Variants in ZNF407 observed in about 807,000 individuals in gnomAD.
The protein encoded by ZNF407 is zinc finger protein 407.
Under a neutral mutation model 131.2 loss-of-function variants are expected in ZNF407, and 17 were observed. The observed-to-expected ratio is 0.13, with a 90% CI of 0.09 to 0.19. ZNF407 has a LOEUF of 0.19. ZNF407 is among the 10% of genes least tolerant of loss of function. The pLI, the probability that ZNF407 is intolerant of heterozygous loss-of-function variation, is 1.00. For missense variants in ZNF407, 2,681 were observed against 2,830.6 expected (o/e 0.95, Z 1.20); for synonymous variants, 1,156 against 1,062.0 (o/e 1.09, Z -1.72).
intron 1 of ZNF407, among the ~76,000 whole-genome samples, chr18:74,602,887 C>A (rs1264857580): frequency 6.6e-6 from 1 of 152,088 alleles, no homozygotes; most frequent in Non-Finnish European, 1.5e-5. Context: ...GAAACACATC[C>A]TGCACTGTGT....
chr18:74,766,490 A>G (rs1326169928), intron 3 of ZNF407, among the ~76,000 whole-genome samples: 1 of 152,200 alleles, frequency 6.6e-6, no homozygotes, highest in African/African-American at 2.4e-5. Flanking sequence ...ATGGTTTCAC[A>G]TCTGCCCTGC....
chr18:74,789,444 G>A (rs1207622431), intron 4 of ZNF407, among the ~76,000 whole-genome samples: 3 of 152,154 alleles, frequency 2.0e-5, no homozygotes, highest in African/African-American at 7.2e-5. Context: ...ACCAGTGAGC[G>A]TATTTCATTG....
At chr18:74,887,705 T>C (rs931750483) in intron 6 of ZNF407, among the ~76,000 whole-genome samples, 1 of 152,174 alleles carries the variant, frequency 6.6e-6, no homozygotes, top group Non-Finnish European at 1.5e-5. Flanking sequence ...CCACTGGCTA[T>C]TGAGAACTCT....
chr18:74,913,447 C>T (rs1021013044), intron 7 of ZNF407, among the ~76,000 whole-genome samples: 3 of 152,240 alleles, frequency 2.0e-5, no homozygotes, highest in African/African-American at 4.8e-5. Context: ...GTGTTCGATA[C>T]GGCGAGGCCC....
intron 3 of ZNF407, among the ~76,000 whole-genome samples, chr18:74,698,779 CAGAGG>C (rs1967421387): frequency 6.6e-6 from 1 of 152,106 alleles, no homozygotes; most frequent in African/African-American, 2.4e-5. Flanking sequence ...CTTGAGGTCA[CAGAGG>C]TAGCACCTGA....
rs74911814 is a variant in ZNF407 at position 74,944,319 on chromosome 18, T to C, written c.5428+23627T>C. 3.2e-3 allele frequency among the ~76,000 whole-genome samples: 480 copies of C among 152,328 alleles called. 3 individuals carry two copies. The highest frequency in any genetic ancestry group is 5.0e-3 in the Admixed American group (76 of 15,304). ...TATAGTTCATCACTGACTGTTCTAT[T>C]ACCTGACAGCAATTGATAAAGTATC... On this transcript the variant is annotated intron_variant, in intron 8 of 8. Transcript: ENST00000299687.
chr18:74,830,659 A>G (rs1970469871), intron 4 of ZNF407, among the ~76,000 whole-genome samples: 1 of 152,148 alleles, frequency 6.6e-6, no homozygotes, highest in African/African-American at 2.4e-5. Context: ...TGGCGTATGT[A>G]TGGTGTAATG....
At chr18:74,788,642 T>A (rs1046234713) in intron 4 of ZNF407, among the ~76,000 whole-genome samples, 1 of 150,730 alleles carries the variant, frequency 6.6e-6, no homozygotes, top group African/African-American at 2.4e-5. Flanking sequence ...CCACCACAGT[T>A]TACTACTTTA....
intron 7 of ZNF407, among the ~76,000 whole-genome samples, chr18:74,917,117 T>C (rs1971783102): frequency 6.6e-6 from 1 of 152,050 alleles, no homozygotes; most frequent in East Asian, 1.9e-4. Flanking sequence ...AAGTAACCCA[T>C]TGAAATTGCA....
intron 4 of ZNF407, among the ~76,000 whole-genome samples, chr18:74,836,008 G>GAA (rs572896349): frequency 8.5e-5 from 11 of 129,804 alleles, no homozygotes; most frequent in South Asian, 2.5e-4. Flanking sequence ...GACCCTTATG[G>GAA]AAAAAAAAAA....
At chr18:75,022,023 GA>G (rs1190919282) in intron 8 of ZNF407, among the ~76,000 whole-genome samples, 1 of 151,802 alleles carries the variant, frequency 6.6e-6, no homozygotes, top group African/African-American at 2.4e-5. Context: ...AAAACAGGTA[GA>G]AAAGATGGCA....
chr18:74,892,461 A>C (rs896506893), intron 7 of ZNF407, among the ~76,000 whole-genome samples: 2 of 152,306 alleles, frequency 1.3e-5, no homozygotes, highest in Non-Finnish European at 1.5e-5. Flanking sequence ...CAGTCGCTTG[A>C]TGAGCGTCCG....
chr18:74,877,220 A>T lies in ZNF407; in HGVS notation c.4901A>T (p.Asp1634Val), dbSNP rs1971170874. ...AGGAAATTTACATGCCACTTATGTG[A>T]TAGAAGTTTCACAGAGAAGTGGGCC... ...KERKFTCHLC[D>V]RSFTEKWALN... The change falls in exon 5 of 9, where the codon GAT (aspartate) becomes GTT (valine). Residue 1634 changes from aspartate (D) to valine (V), a missense_variant. Coordinates refer to ENST00000299687, the MANE Select transcript of ZNF407 (RefSeq NM_017757.3). 1.2e-6 allele frequency: 2 copies of T among 1,613,886 alleles called. No individual in the cohort carries two copies.
At chr18:74,884,502 C>T (rs1290228954) in intron 6 of ZNF407, among the ~76,000 whole-genome samples, 2 of 152,128 alleles carry the variant, frequency 1.3e-5, no homozygotes, top group Non-Finnish European at 2.9e-5. Context: ...CCTTGCTTAG[C>T]ATAGGATTTT....
At chr18:74,808,953 A>ACCT (rs553769272) in intron 4 of ZNF407, among the ~76,000 whole-genome samples, 108 of 152,218 alleles carry the variant, frequency 7.1e-4, no homozygotes, top group Admixed American at 1.3e-3. Context: ...AGAATTTTTC[A>ACCT]CCTCCTCCTC....
intron 3 of ZNF407, among the ~76,000 whole-genome samples, chr18:74,648,213 A>G (rs556862821): frequency 1.3e-5 from 2 of 152,316 alleles, no homozygotes; most frequent in African/African-American, 4.8e-5. Context: ...GTAACATTTG[A>G]TATGCAGCAA....
chr18:74,990,462 A>G (rs1487673932), intron 8 of ZNF407, among the ~76,000 whole-genome samples: 1 of 152,116 alleles, frequency 6.6e-6, no homozygotes, highest in Non-Finnish European at 1.5e-5. Flanking sequence ...ATTCTGTTCT[A>G]TTTCTGCATG....
chr18:74,873,399 C>T (rs1385203702), intron 4 of ZNF407, among the ~76,000 whole-genome samples: 2 of 152,114 alleles, frequency 1.3e-5, no homozygotes, highest in Non-Finnish European at 1.5e-5. Context: ...CTGGCTTGCA[C>T]CTCTGCTCAC....
intron 8 of ZNF407, among the ~76,000 whole-genome samples, chr18:74,948,967 G>C (rs1358692083): frequency 6.6e-6 from 1 of 152,188 alleles, no homozygotes; most frequent in Admixed American, 6.5e-5. Context: ...TGTGTAAAAA[G>C]AAAGGACAAT....
Sources: allele counts gnomAD v4.1 joint callset (sites outside exome capture counted in the v4.1 genomes callset), GRCh38; gene constraint gnomAD v4.1.1; transcripts MANE v1.5; gene names NCBI Gene and HGNC (gene_info 2026-07-23, HGNC 2026-07-21).